The following SLC4A5 variants were observed in gnomAD, a reference collection of about 807,000 sequenced individuals.
SLC4A5 encodes electrogenic sodium bicarbonate cotransporter 4.
In SLC4A5, 96 loss-of-function variants were observed where a neutral mutation model predicts 120.4. The observed-to-expected ratio is 0.80, with a 90% CI of 0.68 to 0.94. The LOEUF (loss-of-function observed/expected upper bound fraction) is 0.94, where lower values mean the gene tolerates loss of function less well. Among genes scored for constraint, SLC4A5 ranks in the 40% least tolerant of loss-of-function variants. The pLI, the probability that SLC4A5 is intolerant of heterozygous loss-of-function variation, is 0.00. For missense variants in SLC4A5, 1,259 were observed against 1,459.5 expected, an observed-to-expected ratio of 0.86 and a Z score of 2.24; for synonymous variants, 550 against 571.1, an observed-to-expected ratio of 0.96 and a Z score of 0.53.
chr2:74,237,989 C>A (rs1166760004), intron 21 of SLC4A5, among the ~76,000 whole-genome samples: 2 of 152,040 alleles, frequency 1.3e-5, no homozygotes, highest in Non-Finnish European at 2.9e-5. Flanking sequence ...GTAGTCCCAG[C>A]TATTTGGGAG....
At chr2:74,241,863 C>A in intron 20 of SLC4A5, 131 bp downstream of exon 20, 1 of 674,570 alleles carries the variant, frequency 1.5e-6, no homozygotes, top group Non-Finnish European at 2.6e-6. Context: ...CTGCAGGTGA[C>A]CCTGACGTGC....
chr2:74,241,110 G>T (rs1670425306), intron 20 of SLC4A5, among the ~76,000 whole-genome samples: 1 of 152,000 alleles, frequency 6.6e-6, no homozygotes, highest in South Asian at 2.1e-4. Flanking sequence ...GCTGGAGAGT[G>T]GCACTGCTAG....
chr2:74,304,705 G>A, intron 6 of SLC4A5, 25 bp from the exon 7 acceptor site: 2 of 1,586,478 alleles, frequency 1.3e-6, no homozygotes, highest in South Asian at 2.3e-5. Flanking sequence ...CAAAAGACAG[G>A]GGAGGCAGGG....
chr2:74,244,632 AG>A (rs2103963177), intron 19 of SLC4A5, among the ~76,000 whole-genome samples: 1 of 151,272 alleles, frequency 6.6e-6, no homozygotes, highest in Admixed American at 6.6e-5. Flanking sequence ...TTAGAAATAG[AG>A]ACAGGGTCTG....
At chr2:74,310,996 G>A (rs976334143) in intron 6 of SLC4A5, among the ~76,000 whole-genome samples, 22 of 149,664 alleles carry the variant, frequency 1.5e-4, no homozygotes, top group African/African-American at 5.4e-4. Flanking sequence ...AATAGTAATA[G>A]GCCTGTTCAA....
rs1558880876 is a variant in SLC4A5, at chr2:74,255,774, C to T, written c.1025+1G>A. On this transcript the variant is annotated splice_donor_variant, in intron 13 of 30. Coordinates refer to ENST00000394019, the Ensembl canonical transcript of SLC4A5. LOFTEE classifies it high-confidence loss of function. The surrounding 1 kb of genome is among the most constrained non-coding windows in gnomAD (Gnocchi z 4.0). ...TGGGGACAGGTTTCAATGGCTCTCACCTGGTGGGGACAGGCACCTCGGTCA... is the reference window on the plus strand; with the variant it reads ...TGGGGACAGGTTTCAATGGCTCTCATCTGGTGGGGACAGGCACCTCGGTCA... The T allele has an allele frequency of 1.2e-6, 2 of 1,614,084 alleles. No homozygotes were observed. The highest frequency in any genetic ancestry group is 8.5e-7 in the Non-Finnish European group (1 of 1,179,984).
intron 10 of SLC4A5, among the ~76,000 whole-genome samples, chr2:74,263,831 C>T (rs1418358327): frequency 6.6e-6 from 1 of 152,142 alleles, no homozygotes; most frequent in East Asian, 1.9e-4. Context: ...TAGGCCATAC[C>T]CCAGAACAAT....
chr2:74,304,976 G>A (rs900423410), intron 6 of SLC4A5, among the ~76,000 whole-genome samples: 1 of 152,200 alleles, frequency 6.6e-6, no homozygotes, highest in African/African-American at 2.4e-5. Flanking sequence ...TATGGCTTAT[G>A]ACACGTGGTT....
At chr2:74,270,326 A>G (rs6546898) in intron 8 of SLC4A5, among the ~76,000 whole-genome samples, 145,970 of 152,354 alleles carry the variant, frequency 0.96, 70,008 homozygotes, top group East Asian at 1. Context: ...ATCCATAGCA[A>G]TGGTTTTCAA....
At chr2:74,239,512 C>T (rs538948094) in exon 21 of SLC4A5, 116 of 1,614,000 alleles carry the variant, frequency 7.2e-5, no homozygotes, top group Middle Eastern at 1.7e-4. Context: ...ACCAGTCCAA[C>T]GCTGTGAGGT....
chr2:74,252,964 T>C lies in SLC4A5; in HGVS notation c.1268+10A>G, dbSNP rs757135332. The C allele has an allele frequency of 6.2e-7, 1 of 1,614,136 alleles. No homozygotes were observed. Among genetic ancestry groups the C allele is most frequent in the Non-Finnish European group, 8.5e-7 (1 of 1,180,016 alleles). On this transcript the variant is annotated intron_variant, in intron 15 of 30. Coordinates refer to ENST00000394019, the Ensembl canonical transcript of SLC4A5. ...CTTTTTCTCTCCCTACTGCCCATTCTCATACACACCTCTTGTCAGCAGAGG... is the reference window on the plus strand; with the variant it reads ...CTTTTTCTCTCCCTACTGCCCATTCCCATACACACCTCTTGTCAGCAGAGG...
chr2:74,304,709 G>A, intron 6 of SLC4A5, 29 bp from the exon 7 acceptor site: 1 of 1,578,350 alleles, frequency 6.3e-7, no homozygotes, highest in Non-Finnish European at 8.6e-7. Context: ...AGACAGGGGA[G>A]GCAGGGTTAC....
At chr2:74,223,029 G>C in intron 28 of SLC4A5, 77 bp from the exon 29 acceptor site, 1 of 962,622 alleles carries the variant, frequency 1.0e-6, no homozygotes, top group Non-Finnish European at 1.5e-6. Context: ...TTTTGAGACA[G>C]AGTCTCGCTC....
intron 7 of SLC4A5, among the ~76,000 whole-genome samples, chr2:74,288,365 C>G (rs1480345234): frequency 6.6e-6 from 1 of 152,108 alleles, no homozygotes; most frequent in Non-Finnish European, 1.5e-5. Context: ...GCCCTCAGAT[C>G]CCTCTTGTTA....
exon 7 of SLC4A5, chr2:74,304,541 T>C: frequency 3.7e-6 from 6 of 1,614,144 alleles, no homozygotes; most frequent in African/African-American, 1.3e-5. Flanking sequence ...CCCCACTCCC[T>C]GGGCCAGTCA....
chr2:74,329,980 TAG>T (rs1325838325), intron 4 of SLC4A5, among the ~76,000 whole-genome samples: 1 of 151,298 alleles, frequency 6.6e-6, no homozygotes, highest in Non-Finnish European at 1.5e-5. Context: ...GTGTGAAGTA[TAG>T]ATGGAGGTAT....
At chr2:74,245,880 A>C (rs962426699) in intron 19 of SLC4A5, among the ~76,000 whole-genome samples, 1 of 152,160 alleles carries the variant, frequency 6.6e-6, no homozygotes, top group East Asian at 1.9e-4. Flanking sequence ...CGGGGTATAG[A>C]TTTGGAAACC....
chr2:74,336,991 G>T (rs1297531301), intron 3 of SLC4A5, among the ~76,000 whole-genome samples: 1 of 152,174 alleles, frequency 6.6e-6, no homozygotes, highest in Non-Finnish European at 1.5e-5. Flanking sequence ...ACCAAAGTGT[G>T]GGAGAAAATG....
In SLC4A5 at chr2:74,239,537, T is replaced by C; in HGVS notation, c.2119-2A>G. ...CGCTGTGAGGTTAAGGAGGTTGTAC[T>C]TGGAGACCAAGCACAGGAGAGAATG... On this transcript the variant is annotated splice_acceptor_variant, in intron 20 of 30. Transcript: ENST00000394019. LOFTEE classifies it high-confidence loss of function. The C allele has an allele frequency of 6.8e-6, 11 of 1,613,864 alleles. No individual in the cohort carries two copies. The highest frequency in any genetic ancestry group is 9.3e-6 in the Non-Finnish European group (11 of 1,179,826).
Sources: allele counts gnomAD v4.1 joint callset (sites outside exome capture counted in the v4.1 genomes callset), GRCh38; gene constraint gnomAD v4.1.1; non-coding constraint Gnocchi (gnomAD v3.1); transcripts MANE v1.5; gene names NCBI Gene and HGNC (gene_info 2026-07-23, HGNC 2026-07-21).